SPHKAP: variants seen among roughly 807,000 people sequenced by gnomAD.
The protein encoded by SPHKAP is A-kinase anchor protein SPHKAP.
In SPHKAP, 67 loss-of-function variants were observed where a neutral mutation model predicts 137.5. That is an observed-to-expected ratio of 0.49 (90% CI 0.40 to 0.60). The LOEUF is 0.60. SPHKAP is among the 20% of genes least tolerant of loss of function. The probability of loss-of-function intolerance (pLI) is 0.00; values close to 1 mark genes in which losing one functional copy is unlikely to be tolerated. For synonymous variants in SPHKAP, 813 were observed against 785.3 expected (o/e 1.04, Z -0.59); for missense variants, 2,097 against 2,069.3 (o/e 1.01, Z -0.26).
intron 3 of SPHKAP, among the ~76,000 whole-genome samples, chr2:228,072,398 GAGA>G (rs1559158400): frequency 1.3e-5 from 2 of 151,990 alleles, no homozygotes; most frequent in Non-Finnish European, 1.5e-5. Context: ...GTGGGAACCC[GAGA>G]AGATGAGTTT....
intron 3 of SPHKAP, among the ~76,000 whole-genome samples, chr2:228,064,904 C>A (rs1185358941): frequency 1.3e-5 from 2 of 152,198 alleles, no homozygotes; most frequent in Admixed American, 6.5e-5. Flanking sequence ...ATCTTGACTG[C>A]TTATTATCAG....
chr2:227,994,503 G>A (rs61752222), intron 8 of SPHKAP, among the ~76,000 whole-genome samples: 23,988 of 152,076 alleles, frequency 0.16, 2,139 homozygotes, highest in East Asian at 0.39. Flanking sequence ...GTGGTGGTGC[G>A]TCGTGTAGTG....
At chr2:228,149,839 TA>T (rs1456620122) in intron 1 of SPHKAP, among the ~76,000 whole-genome samples, 7 of 152,302 alleles carry the variant, frequency 4.6e-5, no homozygotes, top group East Asian at 3.9e-4. Context: ...ATCTGCAGAT[TA>T]TTTTTTTATT....
At chr2:228,180,682 G>A (rs547799728) in intron 1 of SPHKAP, among the ~76,000 whole-genome samples, 1 of 152,338 alleles carries the variant, frequency 6.6e-6, no homozygotes, top group South Asian at 2.1e-4. Flanking sequence ...AGCGCTCCGC[G>A]CCCAGCGAGC....
intron 3 of SPHKAP, among the ~76,000 whole-genome samples, chr2:228,059,253 A>G (rs1423166738): frequency 1.3e-5 from 2 of 152,148 alleles, no homozygotes; most frequent in Non-Finnish European, 2.9e-5. Flanking sequence ...CACTCGATTA[A>G]ATACCTAGGA....
intron 2 of SPHKAP, chr2:228,131,439 A>AT (rs1699245766): frequency 3.1e-6 from 1 of 318,980 alleles, no homozygotes; most frequent in South Asian, 1.2e-4. Flanking sequence ...AAATTCTATG[A>AT]TTTTATGTTG....
intron 3 of SPHKAP, among the ~76,000 whole-genome samples, chr2:228,102,245 C>CT (rs35844475): frequency 3.3e-5 from 5 of 149,712 alleles, no homozygotes; most frequent in East Asian, 2.0e-4. Flanking sequence ...CATTGCTTAC[C>CT]TTTTTTTTTT....
intron 4 of SPHKAP, 111 bp downstream of exon 4, chr2:228,027,373 T>C (rs1347855310): frequency 4.4e-6 from 5 of 1,139,310 alleles, no homozygotes; most frequent in Non-Finnish European, 6.5e-6. Context: ...TGGCCTGTAA[T>C]GAAACTATCT....
rs1480638262 is a variant in SPHKAP, at chr2:227,980,210, A to T, written c.*1507T>A. ...AACTGGGCATTTAGTTAATGTGTCAAATTAAGCATAATAACCTAAATTTGG... is the reference window on the plus strand; with the variant it reads ...AACTGGGCATTTAGTTAATGTGTCATATTAAGCATAATAACCTAAATTTGG... On this transcript the variant is annotated 3_prime_UTR_variant, in exon 12 of 12. Transcript: ENST00000392056. 1.3e-5 allele frequency: 2 copies of T among 152,550 alleles called. No individual in the cohort carries two copies. Among genetic ancestry groups the T allele is most frequent in the African/African-American group, 2.4e-5 (1 of 41,472 alleles). 9.4% of individuals were successfully genotyped at this position (152,550 alleles called of 1,614,324 possible).
At chr2:228,111,874 A>C (rs190121272) in intron 2 of SPHKAP, among the ~76,000 whole-genome samples, 154 of 152,232 alleles carry the variant, frequency 1.0e-3, no homozygotes, top group African/African-American at 3.5e-3. Context: ...GTAGGTTTCC[A>C]AAAACTTATC....
chr2:228,078,104 G>A (rs1005033589), intron 3 of SPHKAP, among the ~76,000 whole-genome samples: 2 of 152,176 alleles, frequency 1.3e-5, no homozygotes, highest in Non-Finnish European at 2.9e-5. Flanking sequence ...CACTGGAACT[G>A]TAAGTCCAAT....
intron 7 of SPHKAP, among the ~76,000 whole-genome samples, chr2:228,008,778 A>C (rs1694245186): frequency 6.6e-6 from 1 of 151,568 alleles, no homozygotes; most frequent in Non-Finnish European, 1.5e-5. Context: ...TTTCTTTGTC[A>C]AAGATCCATT....
chr2:228,057,745 A>T (rs905280881), intron 3 of SPHKAP, among the ~76,000 whole-genome samples: 4 of 152,158 alleles, frequency 2.6e-5, no homozygotes, highest in South Asian at 2.1e-4. Context: ...GAACAGAAGA[A>T]TGGTGGATAT....
rs560856238 is a variant in SPHKAP, at chr2:228,026,143, T to C, written c.307-615A>G. ...GTGACTTGCTCCTCCTTGCCTTCCA[T>C]CATGATTGTGAGGCCTCCCCAGCCA... On this transcript the variant is annotated intron_variant, in intron 4 of 11. Coordinates refer to ENST00000392056, the MANE Select transcript of SPHKAP (RefSeq NM_001142644.2). Among the ~76,000 whole-genome samples the C allele has an allele frequency of 3.3e-5, 5 of 152,274 alleles. No individual in the cohort carries two copies. In the South Asian group the frequency reaches 1.0e-3, roughly 32 times the overall value.
rs6735869 is a variant in SPHKAP at position 228,058,624 on chromosome 2, T to C, written c.247-31081A>G. Among the ~76,000 whole-genome samples, 432 of 152,284 alleles carry C rather than the reference T, an allele frequency of 2.8e-3. 2 individuals are homozygous for C. The highest frequency in any genetic ancestry group is 0.01 in the African/African-American group (417 of 41,556). On this transcript the variant is annotated intron_variant, in intron 3 of 11. Coordinates refer to ENST00000392056, the MANE Select transcript of SPHKAP (RefSeq NM_001142644.2). ...GAACATGCATTAAGACGTTAACCAA[T>C]GTGCTAACTTCTTTACTACCTACAC... is the stretch of plus-strand genomic sequence containing the variant.
intron 3 of SPHKAP, among the ~76,000 whole-genome samples, chr2:228,074,596 C>A (rs1331058676): frequency 6.6e-6 from 1 of 152,124 alleles, no homozygotes; most frequent in African/African-American, 2.4e-5. Flanking sequence ...CTGGCCCCAC[C>A]CTTGACACGT....
intron 1 of SPHKAP, among the ~76,000 whole-genome samples, chr2:228,143,119 T>C (rs1022949304): frequency 6.6e-6 from 1 of 152,190 alleles, no homozygotes; most frequent in Non-Finnish European, 1.5e-5. Flanking sequence ...ATAAGGTTAG[T>C]ATGCAGACAT....
chr2:228,156,658 T>A (rs1483135790), intron 1 of SPHKAP, among the ~76,000 whole-genome samples: 1 of 152,236 alleles, frequency 6.6e-6, no homozygotes, highest in Admixed American at 6.5e-5. Flanking sequence ...AATCTCATCC[T>A]GAATTGTAGC....
intron 2 of SPHKAP, among the ~76,000 whole-genome samples, chr2:228,123,746 C>T (rs1010708650): frequency 6.6e-6 from 1 of 152,098 alleles, no homozygotes; most frequent in Non-Finnish European, 1.5e-5. Flanking sequence ...AATTAGATCC[C>T]ATTCGTCAAT....
Sources: allele counts gnomAD v4.1 joint callset (sites outside exome capture counted in the v4.1 genomes callset), GRCh38; gene constraint gnomAD v4.1.1; transcripts MANE v1.5; gene names NCBI Gene and HGNC (gene_info 2026-07-23, HGNC 2026-07-21).